Variants in COPS8 observed in about 807,000 individuals in gnomAD.
The protein encoded by COPS8 is COP9 signalosome subunit 8, also known as COP9 signalosome complex subunit 8.
Under a neutral mutation model 31.5 loss-of-function variants are expected in COPS8, and 11 were observed. That is an observed-to-expected ratio of 0.35 (90% CI 0.22 to 0.58). The LOEUF (loss-of-function observed/expected upper bound fraction) is 0.58, where lower values mean the gene tolerates loss of function less well. Among genes scored for constraint, COPS8 ranks in the 20% least tolerant of loss-of-function variants. The pLI is 0.83. For synonymous variants in COPS8, 81 were observed against 89.3 expected (o/e 0.91, Z 0.52); for missense variants, 215 against 255.1 (o/e 0.84, Z 1.07).
intron 5 of COPS8, among the ~76,000 whole-genome samples, chr2:237,094,574 A>G (rs1407528369): frequency 6.6e-5 from 10 of 151,634 alleles, no homozygotes. Flanking sequence ...CTTGCTCCCC[A>G]CTCATACCTG....
chr2:237,092,354 C>G (rs1559299668), intron 4 of COPS8, among the ~76,000 whole-genome samples: 1 of 152,220 alleles, frequency 6.6e-6, no homozygotes, highest in African/African-American at 2.4e-5. Context: ...TCTCCCATCA[C>G]ATGTTTTTCT....
chr2:237,086,137 G>A, intron 1 of COPS8, 95 bp downstream of exon 1: 2 of 1,181,544 alleles, frequency 1.7e-6, no homozygotes, highest in South Asian at 1.3e-5. Flanking sequence ...AGGCTAGCGG[G>A]CTTTGGGAGC....
In COPS8 at chr2:237,099,419, A is replaced by G. The variant is rs1482812697; in HGVS notation, c.*1677A>G. On this transcript the variant is annotated 3_prime_UTR_variant, in exon 8 of 8. Coordinates refer to ENST00000354371, the MANE Select transcript of COPS8 (RefSeq NM_006710.5). ...TCAAGTGATCAAACACAATATTTCA[A>G]TTTTACATTGTCAGTGGGATATACA... 1 of 152,192 alleles carries G rather than the reference A, an allele frequency of 6.6e-6. No homozygotes were observed. Among genetic ancestry groups the G allele is most frequent in the African/African-American group, 2.4e-5 (1 of 41,456 alleles). The allele number at this position is 152,192 out of a possible 1,614,324, so 9.4% of individuals were successfully genotyped here.
Position 237,085,971 on chromosome 2 carries a change from G to A in COPS8, c.7G>A (p.Val3Met). 6.2e-7 allele frequency: 1 copy of A among 1,610,870 alleles called. No individual in the cohort carries two copies. The highest frequency in any genetic ancestry group is 1.3e-5 in the African/African-American group (1 of 75,044). ...GGCGAGGCCGGCCGCGAAGATGCCA[G>A]TGGCGGTGATGGCGGAAAGCGCCTT... is the stretch of plus-strand genomic sequence containing the variant. Reference protein sequence around the residue: MPVAVMAESAFSF... With the variant: MPMAVMAESAFSF... The change falls in exon 1 of 8, where the codon GTG becomes ATG. Residue 3 changes from valine (V) to methionine (M), a missense_variant. Physicochemically the swap from Val to Met is conservative, Grantham distance 21. Coordinates refer to ENST00000354371, the MANE Select transcript of COPS8 (RefSeq NM_006710.5).
rs1322152110 is a variant in COPS8, at chr2:237,100,164, CAAAG to C, written c.*2425_*2428del. 6.6e-6 allele frequency: 1 copy of C among 152,032 alleles called. No homozygotes were observed. The highest frequency in any genetic ancestry group is 6.5e-5 in the Admixed American group (1 of 15,276). 9.4% of individuals were successfully genotyped at this position (152,032 alleles called of 1,614,324 possible). On this transcript the variant is annotated 3_prime_UTR_variant, in exon 8 of 8. Coordinates refer to ENST00000354371, the MANE Select transcript of COPS8 (RefSeq NM_006710.5). ...ACGGTACTTGCAGCCCTTAATGAAA[CAAAG>C]AAGGGATCATGGAAATATATATCAA... is the stretch of plus-strand genomic sequence containing the variant.
rs1352042032 is a variant in COPS8 at position 237,097,885 on chromosome 2, A to C, written c.*143A>C. The C allele has an allele frequency of 3.4e-6, 2 of 585,790 alleles. No homozygotes were observed. Among genetic ancestry groups the C allele is most frequent in the Non-Finnish European group, 6.0e-6 (2 of 331,204 alleles). 36.3% of individuals were successfully genotyped at this position (585,790 alleles called of 1,614,324 possible). A position where few individuals can be genotyped will look rare whatever the true frequency, so the allele number is the denominator to read the frequency against. On this transcript the variant is annotated 3_prime_UTR_variant, in exon 8 of 8. Transcript: ENST00000354371. ...TGTGATAAAATACATATAGAATATAAGATATACTATATACATTTTGTCCAT... is the reference window on the plus strand; with the variant it reads ...TGTGATAAAATACATATAGAATATACGATATACTATATACATTTTGTCCAT...
intron 3 of COPS8, 144 bp from the exon 4 acceptor site, chr2:237,089,718 T>A: frequency 1.2e-6 from 1 of 830,114 alleles, no homozygotes; most frequent in Non-Finnish European, 1.8e-6. Context: ...AAAAAGTAAT[T>A]GCATCTTTTA....
At chr2:237,096,524 C>T (rs973707818) in intron 6 of COPS8, among the ~76,000 whole-genome samples, 8 of 152,156 alleles carry the variant, frequency 5.3e-5, no homozygotes, top group Non-Finnish European at 1.0e-4. Flanking sequence ...CCACGTCAGC[C>T]CAAATTTCCT....
At chr2:237,089,680 T>TA (rs1559298895) in intron 3 of COPS8, among the ~76,000 whole-genome samples, 182 bp from the exon 4 acceptor site, 1 of 152,236 alleles carries the variant, frequency 6.6e-6, no homozygotes, top group Non-Finnish European at 1.5e-5. Flanking sequence ...TCATAGTGTT[T>TA]AAAAACCTTT....
intron 5 of COPS8, among the ~76,000 whole-genome samples, chr2:237,094,969 A>T (rs766882319): frequency 3.3e-5 from 5 of 151,458 alleles, no homozygotes; most frequent in Admixed American, 6.6e-5. Flanking sequence ...CCATATCAAA[A>T]ATATATATAT....
chr2:237,095,211 A>G (rs993804827), intron 5 of COPS8, among the ~76,000 whole-genome samples: 2 of 152,144 alleles, frequency 1.3e-5, no homozygotes, highest in African/African-American at 4.8e-5. Context: ...TATATATAAC[A>G]TACTTCAGAG....
chr2:237,086,504 T>G (rs1380625248), intron 1 of COPS8, among the ~76,000 whole-genome samples: 3 of 152,178 alleles, frequency 2.0e-5, no homozygotes, highest in African/African-American at 7.2e-5. Context: ...TCAAGTTAGC[T>G]TGCCATTTTG....
At position 237,085,932 on chromosome 2, in the gene COPS8, C is replaced by T. The variant is rs62621255; in HGVS notation, c.-33C>T. The T allele has an allele frequency of 5.0e-6, 8 of 1,603,566 alleles. No individual in the cohort carries two copies. In the East Asian group the frequency reaches 6.8e-5, roughly 14 times the overall value. The stretch of plus-strand genomic sequence containing the variant: ...GAGGGACAGTCTGGGGTTTGGCTGT[C>T]CGGACGGTGCAGCGGCGAGGCCGGC... On this transcript the variant is annotated 5_prime_UTR_variant, in exon 1 of 8. Coordinates refer to ENST00000354371, the MANE Select transcript of COPS8 (RefSeq NM_006710.5).
rs1696632092 is a variant in COPS8, at chr2:237,087,155, T to C, written c.107T>C (p.Val36Ala). ...CCTGGAGGAATTGCTACACCCCCAG[T>C]GTATGGTCAGCTTCTAGCTTTATAT... ...EAPGGIATPP[V>A]YGQLLALYLL... The change falls in exon 2 of 8, where the codon GTG (valine) becomes GCG (alanine). Residue 36 changes from valine to alanine, a missense_variant. Transcript: ENST00000354371. The C allele has an allele frequency of 6.2e-7, 1 of 1,609,368 alleles. No individual in the cohort carries two copies. The highest frequency in any genetic ancestry group is 8.5e-7 in the Non-Finnish European group (1 of 1,178,246).
intron 7 of COPS8, among the ~76,000 whole-genome samples, chr2:237,097,282 G>A (rs1696822800): frequency 6.8e-6 from 1 of 146,838 alleles, no homozygotes; most frequent in Non-Finnish European, 1.5e-5. Context: ...GTGATGTCTG[G>A]GGCATGGGAA....
In COPS8 at chr2:237,087,336, C is replaced by T. The variant is rs184304875; in HGVS notation, c.149+139C>T. 803 of 583,178 alleles carry T rather than the reference C, an allele frequency of 1.4e-3. 2 individuals are homozygous for T. The highest frequency in any genetic ancestry group is 0.01 in the Middle Eastern group (38 of 3,638). 36.1% of individuals were successfully genotyped at this position (583,178 alleles called of 1,614,324 possible). On this transcript the variant is annotated intron_variant, in intron 2 of 7. Transcript: ENST00000354371. ...TACAGTAATTGTTAACGTCTATTTC[C>T]TATTGAATCATAGGTTAATGAATTA... is the stretch of plus-strand genomic sequence containing the variant.
At chr2:237,095,794 G>T (rs1696789108) in intron 5 of COPS8, 28 bp from the exon 6 acceptor site, 1 of 1,505,384 alleles carries the variant, frequency 6.6e-7, no homozygotes. Context: ...ATTCTTTCCG[G>T]ATCTTTATGT....
At chr2:237,096,941 A>G (rs1245608318) in intron 7 of COPS8, 72 bp downstream of exon 7, 1 of 1,027,424 alleles carries the variant, frequency 9.7e-7, no homozygotes, top group Non-Finnish European at 1.5e-6. Context: ...ATATATGTAT[A>G]TGTGTGTGTG....
At chr2:237,093,394 A>G (rs764643950) in intron 4 of COPS8, among the ~76,000 whole-genome samples, 10 of 152,222 alleles carry the variant, frequency 6.6e-5, no homozygotes, top group East Asian at 1.9e-4. Context: ...TGCATTACCA[A>G]TGAGCAATGC....
Sources: allele counts gnomAD v4.1 joint callset (sites outside exome capture counted in the v4.1 genomes callset), GRCh38; gene constraint gnomAD v4.1.1; transcripts MANE v1.5; gene names NCBI Gene and HGNC (gene_info 2026-07-23, HGNC 2026-07-21).